Variants in DIS3L2 observed in about 807,000 individuals in gnomAD.
The protein encoded by DIS3L2 is DIS3 like 3'-5' exoribonuclease 2.
A neutral mutation model predicts 97.5 loss-of-function variants in DIS3L2; 34 were observed. The ratio of observed to expected loss-of-function variants is 0.35; its 90% CI spans 0.27 to 0.46. The LOEUF is 0.46. Ranked by LOEUF, DIS3L2 falls within the 20% of genes least tolerant of loss-of-function variation. The pLI, the probability that DIS3L2 is intolerant of heterozygous loss-of-function variation, is 1.00. For missense variants in DIS3L2, 1,038 were observed against 1,146.0 expected (o/e 0.91, Z 1.36); for synonymous variants, 435 against 445.2 (o/e 0.98, Z 0.29).
At chr2:232,277,420 T>A (rs1420276268) in intron 13 of DIS3L2, among the ~76,000 whole-genome samples, 1 of 152,236 alleles carries the variant, frequency 6.6e-6, no homozygotes, top group Non-Finnish European at 1.5e-5. Flanking sequence ...TGCATAAAAT[T>A]CAAAAATCAT....
intron 7 of DIS3L2, among the ~76,000 whole-genome samples, chr2:232,132,998 A>G (rs1039443170): frequency 2.6e-5 from 4 of 152,168 alleles, no homozygotes; most frequent in African/African-American, 9.7e-5. Flanking sequence ...TTCTTCACCC[A>G]GAGACACCAA....
intron 13 of DIS3L2, among the ~76,000 whole-genome samples, chr2:232,298,348 A>T (rs1694770681): frequency 6.6e-6 from 1 of 152,220 alleles, no homozygotes; most frequent in Non-Finnish European, 1.5e-5. Flanking sequence ...AGCAATGCAG[A>T]CTCAAAATGG....
chr2:232,156,557 A>G (rs1690500898), intron 8 of DIS3L2, among the ~76,000 whole-genome samples: 1 of 151,846 alleles, frequency 6.6e-6, no homozygotes, highest in Admixed American at 6.6e-5. Flanking sequence ...ATCTTTAAAT[A>G]GTGAGTTCTT....
At position 232,083,294 on chromosome 2, in the gene DIS3L2, C is replaced by CAA. The variant is rs1559608804; in HGVS notation, c.367-4193_367-4192insAA. Among the ~76,000 whole-genome samples the CAA allele has an allele frequency of 7.7e-5, 11 of 143,186 alleles. 1 individual carries two copies. The highest frequency in any genetic ancestry group is 2.1e-4 in the Admixed American group (3 of 14,370). 93.9% of individuals were successfully genotyped at this position (143,186 alleles called of 152,430 possible). On this transcript the variant is annotated intron_variant, in intron 5 of 20. Coordinates refer to ENST00000325385, the MANE Select transcript of DIS3L2 (RefSeq NM_152383.5). ...CAATTTATACCCCCCCCCCCCCCCCCCACATATACATACATGCAGAGAAAG... is the reference window on the plus strand; with the variant it reads ...CAATTTATACCCCCCCCCCCCCCCCCAACACATATACATACATGCAGAGAAAG...
chr2:232,032,113 T>C (rs1194038484), intron 5 of DIS3L2, among the ~76,000 whole-genome samples: 1 of 152,226 alleles, frequency 6.6e-6, no homozygotes, highest in East Asian at 1.9e-4. Context: ...TGAACTAATT[T>C]ACACTCCTGC....
chr2:231,990,546 T>C (rs191117807), intron 1 of DIS3L2, among the ~76,000 whole-genome samples: 3 of 152,352 alleles, frequency 2.0e-5, no homozygotes, highest in African/African-American at 7.2e-5. Context: ...TATAATGTTA[T>C]ACTGTACAGA....
rs1440831207 is a variant in DIS3L2, at chr2:232,264,174, T to TA, written c.1659+736dup. Among the ~76,000 whole-genome samples, 5 of 152,238 alleles carry TA rather than the reference T, an allele frequency of 3.3e-5. No individual in the cohort carries two copies. The East Asian group carries it at 7.7e-4, about 23-fold the overall frequency. ...TCGAGTTTGAGCTCCTATGAGAATC[T>TA]AATGCTGCCACTGACCTGACAGGAG... On this transcript the variant is annotated intron_variant, in intron 13 of 20. Transcript: ENST00000325385.
intron 9 of DIS3L2, among the ~76,000 whole-genome samples, chr2:232,203,476 C>T (rs1691950020): frequency 6.6e-6 from 1 of 152,162 alleles, no homozygotes; most frequent in Non-Finnish European, 1.5e-5. Flanking sequence ...AGTTCTAATC[C>T]TAAATGTATT....
intron 10 of DIS3L2, among the ~76,000 whole-genome samples, chr2:232,226,903 G>A (rs1009246774): frequency 2.0e-4 from 30 of 152,112 alleles, no homozygotes; most frequent in Admixed American, 2.0e-3. Flanking sequence ...TGAGGAGGTG[G>A]AAGCTGCAGT....
chr2:232,184,210 G>T (rs1264636424), intron 9 of DIS3L2, among the ~76,000 whole-genome samples: 1 of 152,130 alleles, frequency 6.6e-6, no homozygotes, highest in Non-Finnish European at 1.5e-5. Flanking sequence ...TTCAGAGGAG[G>T]CCTCTACTTT....
chr2:232,314,694 T>A (rs1695222953), intron 14 of DIS3L2, among the ~76,000 whole-genome samples: 1 of 152,238 alleles, frequency 6.6e-6, no homozygotes, highest in African/African-American at 2.4e-5. Flanking sequence ...CTTTCTTGAA[T>A]AAGATTTCCT....
intron 9 of DIS3L2, among the ~76,000 whole-genome samples, chr2:232,165,874 G>T (rs1343286198): frequency 1.3e-5 from 2 of 152,010 alleles, no homozygotes; most frequent in African/African-American, 2.4e-5. Context: ...AATTATAAAT[G>T]TGAAAGTCAC....
intron 13 of DIS3L2, among the ~76,000 whole-genome samples, chr2:232,289,464 G>T (rs1007267430): frequency 7.9e-5 from 12 of 152,058 alleles, no homozygotes; most frequent in African/African-American, 2.9e-4. Context: ...GTAGAGATGG[G>T]GTTTCACCAT....
At chr2:232,157,814 T>C (rs1318231781) in intron 8 of DIS3L2, among the ~76,000 whole-genome samples, 1 of 152,158 alleles carries the variant, frequency 6.6e-6, no homozygotes, top group East Asian at 1.9e-4. Context: ...TGTTGTGGAG[T>C]GCATTTCCTG....
intron 13 of DIS3L2, among the ~76,000 whole-genome samples, chr2:232,297,968 A>G (rs927111859): frequency 2.0e-5 from 3 of 152,184 alleles, no homozygotes; most frequent in African/African-American, 7.2e-5. Flanking sequence ...AAGTGCTAGG[A>G]TTATAGGCAT....
In DIS3L2 at chr2:232,032,277, TTA is replaced by T. The variant is rs532926822; in HGVS notation, c.366+2201_366+2202del. On this transcript the variant is annotated intron_variant, in intron 5 of 20. Coordinates refer to ENST00000325385, the MANE Select transcript of DIS3L2 (RefSeq NM_152383.5). The stretch of plus-strand genomic sequence containing the variant: ...AATGACCAGTGTTGATGACCTTTTT[TTA>T]TATGTCTGTTGGCCACATAAATGTC... Among the ~76,000 whole-genome samples, 427 of 152,396 alleles carry T rather than the reference TTA, an allele frequency of 2.8e-3. 1 individual carries two copies. Among genetic ancestry groups the T allele is most frequent in the Non-Finnish European group, 4.7e-3 (317 of 68,036 alleles).
chr2:232,310,366 C>T (rs1324663646), intron 14 of DIS3L2, among the ~76,000 whole-genome samples: 2 of 152,182 alleles, frequency 1.3e-5, no homozygotes, highest in African/African-American at 2.4e-5. Context: ...CAGGTGTGAG[C>T]TCACTGTTCC....
At chr2:232,185,947 C>T (rs887184543) in intron 9 of DIS3L2, among the ~76,000 whole-genome samples, 6 of 149,958 alleles carry the variant, frequency 4.0e-5, no homozygotes, top group East Asian at 2.0e-4. Flanking sequence ...AATTGGAAAA[C>T]GGTAGAGAAA....
chr2:232,035,632 C>T (rs1314073280), intron 5 of DIS3L2, among the ~76,000 whole-genome samples: 1 of 152,142 alleles, frequency 6.6e-6, no homozygotes, highest in East Asian at 1.9e-4. Context: ...TTTGCAGTGG[C>T]TGGTACCAGT....
Sources: allele counts gnomAD v4.1 joint callset (sites outside exome capture counted in the v4.1 genomes callset), GRCh38; gene constraint gnomAD v4.1.1; transcripts MANE v1.5; gene names NCBI Gene and HGNC (gene_info 2026-07-23, HGNC 2026-07-21).